NELL1: variants seen among roughly 807,000 people sequenced by gnomAD.
The protein encoded by NELL1 is protein kinase C-binding protein NELL1.
A neutral mutation model predicts 107.4 loss-of-function variants in NELL1; 76 were observed. That is an observed-to-expected ratio of 0.71 (90% CI 0.59 to 0.86). The LOEUF (loss-of-function observed/expected upper bound fraction) is 0.86. NELL1 is among the 40% of genes least tolerant of loss of function. The probability of loss-of-function intolerance (pLI) is 0.00; values close to 1 mark genes in which losing one functional copy is unlikely to be tolerated. For missense variants in NELL1, 1,024 were observed against 1,005.5 expected (o/e 1.02, Z -0.25); for synonymous variants, 353 against 341.2 (o/e 1.03, Z -0.38).
At chr11:21,237,773 C>A (rs1169599558) in intron 14 of NELL1, among the ~76,000 whole-genome samples, 1 of 152,018 alleles carries the variant, frequency 6.6e-6, no homozygotes, top group Non-Finnish European at 1.5e-5. Context: ...TTCAGAGATC[C>A]TTATATTCTC....
At chr11:21,215,307 C>T (rs1857590069) in intron 13 of NELL1, among the ~76,000 whole-genome samples, 1 of 152,200 alleles carries the variant, frequency 6.6e-6, no homozygotes, top group Non-Finnish European at 1.5e-5. Context: ...GAGGCCTTCT[C>T]AGCCATACTG....
At chr11:20,988,967 A>G (rs927883674) in intron 12 of NELL1, among the ~76,000 whole-genome samples, 14 of 152,050 alleles carry the variant, frequency 9.2e-5, no homozygotes. Context: ...TGACTCCTCC[A>G]CTAGCTAACT....
chr11:21,227,192 G>C (rs550124294), intron 13 of NELL1, among the ~76,000 whole-genome samples: 212 of 152,212 alleles, frequency 1.4e-3, no homozygotes, highest in African/African-American at 4.5e-3. Flanking sequence ...TCCATTAGAA[G>C]GAATTTCTTC....
chr11:20,737,093 T>C (rs891277050), intron 2 of NELL1, among the ~76,000 whole-genome samples: 1 of 152,124 alleles, frequency 6.6e-6, no homozygotes, highest in Admixed American at 6.6e-5. Flanking sequence ...CAGTCCTGTG[T>C]AGCCTTCTTC....
chr11:21,157,149 G>GTATC (rs1856258230), intron 13 of NELL1, among the ~76,000 whole-genome samples: 1 of 147,440 alleles, frequency 6.8e-6, no homozygotes. Flanking sequence ...GAATGTGTAT[G>GTATC]TATATATATA....
chr11:20,969,719 C>G (rs911047553), intron 12 of NELL1, among the ~76,000 whole-genome samples: 2 of 151,844 alleles, frequency 1.3e-5, no homozygotes, highest in African/African-American at 4.8e-5. Flanking sequence ...TGGATCCTGA[C>G]TCTATCATTT....
In NELL1 at chr11:21,291,171, A is replaced by AT. The variant is rs1201111832; in HGVS notation, c.1549+61718dup. The stretch of plus-strand genomic sequence containing the variant: ...AAATGACCTGATGGAGCTGAAGAAC[A>AT]TAGCAGGAGAACTTTGTGAAGCACA... On this transcript the variant is annotated intron_variant, in intron 14 of 19. Coordinates refer to ENST00000357134, the MANE Select transcript of NELL1 (RefSeq NM_006157.5). Among the ~76,000 whole-genome samples the AT allele has an allele frequency of 5.9e-5, 9 of 152,328 alleles. No homozygotes were observed. The East Asian group carries it at 1.5e-3, about 26-fold the overall frequency.
chr11:21,574,080 C>T (rs937398513), intron 19 of NELL1, among the ~76,000 whole-genome samples: 1 of 151,784 alleles, frequency 6.6e-6, no homozygotes, highest in Non-Finnish European at 1.5e-5. Flanking sequence ...GGAGTGGTAG[C>T]TGATTTGGAA....
At chr11:20,815,264 A>C (rs1007529402) in intron 3 of NELL1, among the ~76,000 whole-genome samples, 2 of 151,792 alleles carry the variant, frequency 1.3e-5, no homozygotes, top group African/African-American at 4.8e-5. Flanking sequence ...AGGGTTTTGT[A>C]GTTTTAGTAG....
intron 2 of NELL1, among the ~76,000 whole-genome samples, chr11:20,694,811 T>G (rs1854571740): frequency 6.6e-6 from 1 of 152,132 alleles, no homozygotes; most frequent in Admixed American, 6.6e-5. Context: ...GTGTAGGTTT[T>G]TTTTTAATTC....
intron 12 of NELL1, among the ~76,000 whole-genome samples, chr11:20,976,010 T>C (rs1013271455): frequency 7.0e-6 from 1 of 143,060 alleles, no homozygotes; most frequent in Non-Finnish European, 1.5e-5. Flanking sequence ...TATATATACA[T>C]TATATCTGTA....
At chr11:21,322,843 T>G (rs1850044196) in intron 14 of NELL1, among the ~76,000 whole-genome samples, 3 of 152,132 alleles carry the variant, frequency 2.0e-5, no homozygotes. Flanking sequence ...CTCTGGGGTG[T>G]TCATTCCTCC....
At chr11:21,325,162 G>A (rs148417379) in intron 14 of NELL1, among the ~76,000 whole-genome samples, 24 of 152,090 alleles carry the variant, frequency 1.6e-4, no homozygotes, top group African/African-American at 3.9e-4. Context: ...CTCAGATAAA[G>A]TACTATTGTT....
At chr11:20,945,112 T>C (rs963126557) in intron 10 of NELL1, among the ~76,000 whole-genome samples, 1 of 152,232 alleles carries the variant, frequency 6.6e-6, no homozygotes, top group African/African-American at 2.4e-5. Context: ...ATTGTCTTAG[T>C]TTGGGTTCTC....
intron 15 of NELL1, among the ~76,000 whole-genome samples, chr11:21,434,930 T>C (rs1301808498): frequency 6.6e-6 from 1 of 152,168 alleles, no homozygotes; most frequent in Non-Finnish European, 1.5e-5. Flanking sequence ...ATTTTAATTT[T>C]TGTAGCTGTA....
chr11:21,107,465 GT>G (rs1854996561), intron 12 of NELL1, among the ~76,000 whole-genome samples: 1 of 152,160 alleles, frequency 6.6e-6, no homozygotes, highest in Non-Finnish European at 1.5e-5. Context: ...TGCTCTGCAA[GT>G]TATCTTACCA....
chr11:21,254,768 C>T (rs1858726804), intron 14 of NELL1, among the ~76,000 whole-genome samples: 1 of 152,066 alleles, frequency 6.6e-6, no homozygotes, highest in African/African-American at 2.4e-5. Flanking sequence ...TAGAGTTTTG[C>T]TCTCTCTTCT....
At chr11:20,863,246 G>T (rs1296384325) in intron 4 of NELL1, among the ~76,000 whole-genome samples, 1 of 148,250 alleles carries the variant, frequency 6.7e-6, no homozygotes, top group Non-Finnish European at 1.5e-5. Flanking sequence ...CCTCCCTCCC[G>T]GATGGGGCGG....
In NELL1 at chr11:21,271,156, A is replaced by G. The variant is rs1565139617; in HGVS notation, c.1549+41702A>G. On this transcript the variant is annotated intron_variant, in intron 14 of 19. Coordinates refer to ENST00000357134, the MANE Select transcript of NELL1 (RefSeq NM_006157.5). ...ATAATAAAAATTAGTGCCAAAATCA[A>G]TGAAATTGAAAACAGGAAATCAATA... Among the ~76,000 whole-genome samples the G allele has an allele frequency of 2.0e-5, 3 of 152,162 alleles. No homozygotes were observed. In the East Asian group the frequency reaches 5.8e-4, roughly 29 times the overall value.
Sources: allele counts gnomAD v4.1 joint callset (sites outside exome capture counted in the v4.1 genomes callset), GRCh38; gene constraint gnomAD v4.1.1; transcripts MANE v1.5; gene names NCBI Gene and HGNC (gene_info 2026-07-23, HGNC 2026-07-21).